The following ESR1 variants were observed in gnomAD, a reference collection of about 807,000 sequenced individuals.
The protein encoded by ESR1 is estrogen receptor.
In ESR1, 12 loss-of-function variants were observed where a neutral mutation model predicts 52.7. The ratio of observed to expected loss-of-function variants is 0.23; its 90% CI spans 0.15 to 0.37. The LOEUF (loss-of-function observed/expected upper bound fraction) is 0.37. Ranked by LOEUF, ESR1 falls within the 10% of genes least tolerant of loss-of-function variation. The probability of loss-of-function intolerance (pLI) is 1.00; values close to 1 mark genes in which losing one functional copy is unlikely to be tolerated. For synonymous variants in ESR1, 305 were observed against 316.8 expected, an observed-to-expected ratio of 0.96 and a Z score of 0.39; for missense variants, 584 against 779.7, an observed-to-expected ratio of 0.75 and a Z score of 2.99.
At chr6:151,929,738 G>A (rs1241966371) in intron 3 of ESR1, among the ~76,000 whole-genome samples, 3 of 151,972 alleles carry the variant, frequency 2.0e-5, no homozygotes, top group East Asian at 3.9e-4. Context: ...CAATAAGTGG[G>A]GCTTTTTGTA....
At chr6:151,944,656 C>A in intron 4 of ESR1, 148 bp downstream of exon 4, 1 of 703,288 alleles carries the variant, frequency 1.4e-6, no homozygotes, top group Non-Finnish European at 2.5e-6. Flanking sequence ...TTTTCAGTAT[C>A]AATACACTGT....
Position 151,808,378 on chromosome 6 carries a change from C to T in ESR1, c.452+14C>T, listed in dbSNP as rs754663036. ...GGCATTCTACAGGTACCCGCGCCCG[C>T]GCCGCCCGTCGGGGTGGCCGCCGCG... On this transcript the variant is annotated intron_variant, in intron 1 of 7. Transcript: ENST00000206249. 5.3e-5 allele frequency: 75 copies of T among 1,426,686 alleles called. No individual in the cohort carries two copies. The highest frequency in any genetic ancestry group is 5.9e-5 in the Non-Finnish European group (65 of 1,094,210). 88.4% of individuals were successfully genotyped at this position (1,426,686 alleles called of 1,614,324 possible).
At chr6:151,687,410 CTA>C (rs1778732758), upstream of ESR1, among the ~76,000 whole-genome samples, 1 of 152,130 alleles carries the variant, frequency 6.6e-6, no homozygotes. Context: ...AGCTGTTTTG[CTA>C]GAGTGATAGA....
intron 1 of ESR1, among the ~76,000 whole-genome samples, chr6:151,815,482 T>C (rs186684772): frequency 6.6e-6 from 1 of 152,194 alleles, no homozygotes; most frequent in East Asian, 1.9e-4. Context: ...GAATGGATGG[T>C]GGTGGGCAGG....
chr6:151,978,360 C>T (rs1194988873), intron 4 of ESR1, among the ~76,000 whole-genome samples: 1 of 151,974 alleles, frequency 6.6e-6, no homozygotes, highest in Non-Finnish European at 1.5e-5. Flanking sequence ...TCAATACGAA[C>T]ATTAGGAGAC....
intron 1 of ESR1, among the ~76,000 whole-genome samples, chr6:151,663,071 T>C (rs532597623): frequency 6.6e-6 from 1 of 152,266 alleles, no homozygotes; most frequent in African/African-American, 2.4e-5. Context: ...TCTTGTAAGG[T>C]GGGATTTGGC....
chr6:151,909,320 G>T (rs886765098), intron 3 of ESR1, among the ~76,000 whole-genome samples: 1 of 152,192 alleles, frequency 6.6e-6, no homozygotes, highest in African/African-American at 2.4e-5. Flanking sequence ...GCCATGACTT[G>T]GGGAGTCTCC....
chr6:151,850,801 T>C (rs1457893287), intron 2 of ESR1, among the ~76,000 whole-genome samples: 2 of 152,200 alleles, frequency 1.3e-5, no homozygotes, highest in Non-Finnish European at 2.9e-5. Context: ...GTTGCATAGC[T>C]CTATTGAGTC....
At chr6:151,715,033 T>G (rs973075806) in intron 2 of ESR1, among the ~76,000 whole-genome samples, 1 of 152,212 alleles carries the variant, frequency 6.6e-6, no homozygotes, top group African/African-American at 2.4e-5. Flanking sequence ...GCAGGCCTGG[T>G]GGTGAGAAAA....
intron 2 of ESR1, among the ~76,000 whole-genome samples, chr6:151,868,902 A>T (rs1790440036): frequency 6.6e-6 from 1 of 152,148 alleles, no homozygotes; most frequent in African/African-American, 2.4e-5. Flanking sequence ...AAGCACTTAG[A>T]GGGTCGAAAG....
At chr6:151,890,007 A>C (rs1026283745) in intron 3 of ESR1, among the ~76,000 whole-genome samples, 9 of 152,076 alleles carry the variant, frequency 5.9e-5, no homozygotes, top group African/African-American at 2.2e-4. Context: ...TGGTTGGAAA[A>C]AATACTTGAT....
chr6:151,800,279 G>A (rs6922093), upstream of ESR1, among the ~76,000 whole-genome samples: 1,837 of 152,240 alleles, frequency 0.012, 36 homozygotes, highest in African/African-American at 0.041. Flanking sequence ...CCTGAGAGGA[G>A]GGAGAGGAAG....
chr6:151,871,650 C>G (rs949845190), intron 2 of ESR1, among the ~76,000 whole-genome samples: 2 of 152,118 alleles, frequency 1.3e-5, no homozygotes, highest in Non-Finnish European at 2.9e-5. Context: ...GGTGATCTGC[C>G]CGCCTCAGCC....
At position 152,122,925 on chromosome 6, in the gene ESR1, C is replaced by T. The variant is rs74426520; in HGVS notation, c.851-2341C>T. Among the ~76,000 whole-genome samples the T allele has an allele frequency of 4.3e-3, 648 of 152,318 alleles. 5 individuals are homozygous for T. The highest frequency in any genetic ancestry group is 0.015 in the African/African-American group (627 of 41,556). ...CGTAAGTAATTAGGTTCAAATTCTACTCCTTTTACCCCTTAATGTGGTGAA... is the reference window on the plus strand; with the variant it reads ...CGTAAGTAATTAGGTTCAAATTCTATTCCTTTTACCCCTTAATGTGGTGAA... On this transcript the variant is annotated intron_variant, in intron 6 of 6. Coordinates refer to the ESR1 transcript ENST00000427531.
At chr6:151,678,721 C>T (rs1778345192) in intron 1 of ESR1, among the ~76,000 whole-genome samples, 1 of 149,726 alleles carries the variant, frequency 6.7e-6, no homozygotes, top group East Asian at 2.0e-4. Flanking sequence ...GAGTCTTACT[C>T]CGTTGCCTGG....
intron 4 of ESR1, among the ~76,000 whole-genome samples, chr6:151,965,531 G>C (rs919767565): frequency 2.0e-5 from 3 of 152,054 alleles, no homozygotes; most frequent in Non-Finnish European, 4.4e-5. Flanking sequence ...CAATTGTTGA[G>C]AGTAAGGAAT....
intron 3 of ESR1, among the ~76,000 whole-genome samples, chr6:151,902,507 T>G (rs1045956161): frequency 5.9e-5 from 9 of 152,212 alleles, no homozygotes; most frequent in Non-Finnish European, 2.9e-5. Flanking sequence ...ATTTTGATAA[T>G]CACAAATTGA....
At chr6:151,927,756 C>T (rs1479419704) in intron 3 of ESR1, among the ~76,000 whole-genome samples, 1 of 151,928 alleles carries the variant, frequency 6.6e-6, no homozygotes, top group African/African-American at 2.4e-5. Flanking sequence ...CTAACTCTGC[C>T]ACCCAGGCTG....
At chr6:151,769,346 G>A (rs1785320272) in intron 2 of ESR1, among the ~76,000 whole-genome samples, 2 of 152,240 alleles carry the variant, frequency 1.3e-5, no homozygotes, top group African/African-American at 4.8e-5. Context: ...AACTATTATA[G>A]TCTTTTTATA....
Sources: allele counts gnomAD v4.1 joint callset (sites outside exome capture counted in the v4.1 genomes callset), GRCh38; gene constraint gnomAD v4.1.1; transcripts MANE v1.5; gene names NCBI Gene and HGNC (gene_info 2026-07-23, HGNC 2026-07-21).